B3GALNT2: variants seen among roughly 807,000 people sequenced by gnomAD.
B3GALNT2 encodes UDP-GalNAc:beta-1,3-N-acetylgalactosaminyltransferase 2.
Under a neutral mutation model 61.1 loss-of-function variants are expected in B3GALNT2, and 53 were observed. The ratio of observed to expected loss-of-function variants is 0.87; its 90% CI spans 0.70 to 1.09. The LOEUF (loss-of-function observed/expected upper bound fraction) is 1.09, where lower values mean the gene tolerates loss of function less well. Among genes scored for constraint, B3GALNT2 ranks in the 50% least tolerant of loss-of-function variants. The probability of loss-of-function intolerance (pLI) is 0.00; values close to 1 mark genes in which losing one functional copy is unlikely to be tolerated. For missense variants in B3GALNT2, 544 were observed against 623.0 expected (o/e 0.87, Z 1.35); for synonymous variants, 223 against 237.4 (o/e 0.94, Z 0.56).
Position 235,448,766 on chromosome 1 carries a change from C to G in B3GALNT2, c.*1440G>C, listed in dbSNP as rs764155861. 3.7e-6 allele frequency: 6 copies of G among 1,602,574 alleles called. No homozygotes were observed. The highest frequency in any genetic ancestry group is 5.1e-6 in the Non-Finnish European group (6 of 1,169,898). ...TTGTCTATTAGTGCGATGGTGACAA[C>G]CAACTAATAAAATTTAAAGACCACA... On this transcript the variant is annotated 3_prime_UTR_variant, in exon 12 of 12. Coordinates refer to ENST00000366600, the MANE Select transcript of B3GALNT2 (RefSeq NM_152490.5).
chr1:235,455,720 C>T, intron 8 of B3GALNT2, 36 bp from the exon 9 acceptor site: 2 of 1,585,832 alleles, frequency 1.3e-6, no homozygotes, highest in Non-Finnish European at 1.7e-6. Flanking sequence ...GTCAGTGCGA[C>T]CAAACAAACA....
intron 1 of B3GALNT2, 73 bp downstream of exon 1, chr1:235,504,068 G>A (rs1348801579): frequency 1.3e-5 from 16 of 1,196,502 alleles, no homozygotes; most frequent in Non-Finnish European, 1.7e-5. Context: ...AATTCCCGGC[G>A]AAGCCCCGCG....
At chr1:235,474,712 T>TC (rs941525866) in intron 5 of B3GALNT2, among the ~76,000 whole-genome samples, 8 of 151,550 alleles carry the variant, frequency 5.3e-5, no homozygotes, top group African/African-American at 1.9e-4. Context: ...TCCCAGCTAT[T>TC]CAGGAGGCTG....
Position 235,448,220 on chromosome 1 carries a change from C to CCA in B3GALNT2, c.*1985_*1986insTG, listed in dbSNP as rs71576473. ...CTTAAGTAAGTAAGTAAGTCAGTCT[C>CCA]AAAAAAAAAAAAAAAAAAAAGACAG... On this transcript the variant is annotated 3_prime_UTR_variant, in exon 12 of 12. Coordinates refer to ENST00000366600, the MANE Select transcript of B3GALNT2 (RefSeq NM_152490.5). 17 of 531,028 alleles carry CCA rather than the reference C, an allele frequency of 3.2e-5. No homozygotes were observed. In the African/African-American group the frequency reaches 3.7e-4, roughly 12 times the overall value. 32.9% of individuals were successfully genotyped at this position (531,028 alleles called of 1,614,324 possible). A position where few individuals can be genotyped will look rare whatever the true frequency, so the allele number is the denominator to read the frequency against.
Position 235,470,934 on chromosome 1 carries a change from C to A in B3GALNT2, c.678G>T (p.Glu226Asp). 1 of 1,613,982 alleles carries A rather than the reference C, an allele frequency of 6.2e-7. No individual in the cohort carries two copies. The highest frequency in any genetic ancestry group is 1.1e-5 in the South Asian group (1 of 91,054). Residue 226 changes from glutamate to aspartate, a missense_variant, in exon 6 of 12, where the codon GAG becomes GAT. By Grantham distance (45) the Glu-to-Asp change is conservative. Transcript: ENST00000366600. ...PESFEGTIVW[E>D]SQDLHGLVSR... ...ACACAAGGCCGTGGAGGTCTTGGCT[C>A]TCCCACACGATTGTACCTTCAAAGC...
At chr1:235,462,071 A>G (rs1238176442) in intron 7 of B3GALNT2, among the ~76,000 whole-genome samples, 1 of 152,230 alleles carries the variant, frequency 6.6e-6, no homozygotes, top group Admixed American at 6.5e-5. Flanking sequence ...GGCTAAGTGT[A>G]TGAAATGCAT....
intron 7 of B3GALNT2, among the ~76,000 whole-genome samples, chr1:235,460,578 GTT>G (rs766922910): frequency 1.4e-5 from 2 of 141,290 alleles, no homozygotes; most frequent in Admixed American, 7.1e-5. Context: ...TATTTCCTTT[GTT>G]TTTTTTTTTT....
At chr1:235,494,509 T>C (rs945180881) in intron 2 of B3GALNT2, among the ~76,000 whole-genome samples, 172 bp downstream of exon 2, 3 of 151,876 alleles carry the variant, frequency 2.0e-5, no homozygotes, top group African/African-American at 7.3e-5. Context: ...CAGGCTAGAA[T>C]GCAGTGGTGC....
chr1:235,503,917 G>C (rs704721), intron 1 of B3GALNT2, among the ~76,000 whole-genome samples: 68,694 of 152,046 alleles, frequency 0.45, 16,191 homozygotes, highest in Non-Finnish European at 0.51. Context: ...GGCGTTAAGG[G>C]AAACGGGGAA....
chr1:235,468,727 AG>A (rs1450433962), intron 6 of B3GALNT2, among the ~76,000 whole-genome samples: 1 of 71,812 alleles, frequency 1.4e-5, no homozygotes, highest in Admixed American at 1.2e-4. Context: ...CTGGGATTAC[AG>A]GCGTGAGCCA....
At chr1:235,441,582 T>C in the B3GALNT2 span, 2 of 553,952 alleles carry the variant, frequency 3.6e-6, no homozygotes, top group East Asian at 6.2e-5. Context: ...TCATTAACAA[T>C]GAGCTAGATA....
chr1:235,484,460 C>A lies in B3GALNT2; in HGVS notation c.417G>T (p.Leu139=). 1 of 1,614,178 alleles carries A rather than the reference C, an allele frequency of 6.2e-7. No homozygotes were observed. The highest frequency in any genetic ancestry group is 2.2e-5 in the East Asian group (1 of 44,890). Residue 139 remains leucine (L), a synonymous_variant, in exon 4 of 12, where the codon CTG becomes CTT. Coordinates refer to ENST00000366600, the MANE Select transcript of B3GALNT2 (RefSeq NM_152490.5). ...FSLSEDTSSG[L]PEDRVVSVSF... ...TCACGCTGACAACTCGATCCTCAGG[C>A]AGCCCCGATGAAGTGTCTTCGGACA...
At position 235,449,347 on chromosome 1, in the gene B3GALNT2, T is replaced by G. The variant is rs1682750783; in HGVS notation, c.*859A>C. 1.9e-5 allele frequency: 3 copies of G among 155,622 alleles called. No homozygotes were observed. Among genetic ancestry groups the G allele is most frequent in the Non-Finnish European group, 1.4e-5 (1 of 70,158 alleles). The allele number at this position is 155,622 out of a possible 1,614,324, so 9.6% of individuals were successfully genotyped here. A position where few individuals can be genotyped will look rare whatever the true frequency, so the allele number is the denominator to read the frequency against. ...CTGTGATAACCAGCTTTGATTGAAA[T>G]GTACTCATATTAGGTAAACATTAGG... is the stretch of plus-strand genomic sequence containing the variant. On this transcript the variant is annotated 3_prime_UTR_variant, in exon 12 of 12. Transcript: ENST00000366600.
chr1:235,475,609 TA>T (rs36095540), intron 5 of B3GALNT2, among the ~76,000 whole-genome samples: 1 of 151,822 alleles, frequency 6.6e-6, no homozygotes, highest in Non-Finnish European at 1.5e-5. Flanking sequence ...CTTGATGCAG[TA>T]AAAAAAAGGA....
At chr1:235,457,774 A>G (rs1683235209) in intron 8 of B3GALNT2, among the ~76,000 whole-genome samples, 1 of 152,150 alleles carries the variant, frequency 6.6e-6, no homozygotes, top group African/African-American at 2.4e-5. Flanking sequence ...AGTGACTATA[A>G]CTGGGGAATC....
chr1:235,474,977 ATATATATATATTTTTTTTT>A (rs1435822671), intron 5 of B3GALNT2, among the ~76,000 whole-genome samples: 8 of 29,956 alleles, frequency 2.7e-4, no homozygotes, highest in African/African-American at 1.7e-3. Context: ...ATATATATAT[ATATATATATATTTTTTTTT>A]TTTTTTTTTT....
intron 4 of B3GALNT2, among the ~76,000 whole-genome samples, chr1:235,480,707 C>A (rs540978021): frequency 1.3e-5 from 2 of 151,924 alleles, no homozygotes; most frequent in African/African-American, 2.4e-5. Flanking sequence ...GAGTTCCAGA[C>A]CAGCCTGGCC....
chr1:235,491,869 C>T (rs1260805376), intron 2 of B3GALNT2, among the ~76,000 whole-genome samples: 1 of 152,160 alleles, frequency 6.6e-6, no homozygotes, highest in African/African-American at 2.4e-5. Flanking sequence ...GGCTGTTTCT[C>T]TCACACTGTG....
chr1:235,448,271 G>T lies in B3GALNT2; in HGVS notation c.*1935C>A. On this transcript the variant is annotated 3_prime_UTR_variant, in exon 12 of 12. Transcript: ENST00000366600. ...ATACAGCTATCATTGCAATGATACT[G>T]TGGTCTCATCACATGAGCTAGTTTT... 5.3e-6 allele frequency: 5 copies of T among 935,348 alleles called. No homozygotes were observed. The highest frequency in any genetic ancestry group is 7.0e-6 in the Non-Finnish European group (4 of 571,610). 57.9% of individuals were successfully genotyped at this position (935,348 alleles called of 1,614,324 possible). A position where few individuals can be genotyped will look rare whatever the true frequency, so the allele number is the denominator to read the frequency against.
Sources: gnomAD v4.1 joint callset for allele counts (sites outside exome capture counted in the v4.1 genomes callset) on GRCh38, gnomAD v4.1.1 for gene constraint, MANE v1.5 for transcripts, NCBI Gene and HGNC (gene_info 2026-07-23, HGNC 2026-07-21) for gene names.